Variants in C1QTNF9 observed in about 807,000 individuals in gnomAD.
C1QTNF9 encodes complement C1q and tumor necrosis factor-related protein 9A.
In C1QTNF9, 6 loss-of-function variants were observed where a neutral mutation model predicts 10.1. The observed-to-expected ratio is 0.59, with a 90% confidence interval of 0.32 to 1.17. The LOEUF is 1.17. Ranked by LOEUF, C1QTNF9 falls within the 50% of genes most tolerant of loss-of-function variation. The probability of loss-of-function intolerance (pLI) is 0.04; values close to 1 mark genes in which losing one functional copy is unlikely to be tolerated. For missense variants in C1QTNF9, 201 were observed against 418.8 expected, an observed-to-expected ratio of 0.48 and a Z score of 4.54; for synonymous variants, 98 against 163.5, an observed-to-expected ratio of 0.60 and a Z score of 3.06.
exon 4 of C1QTNF9, chr13:24,321,621 C>G (rs1878276096): frequency 6.2e-7 from 1 of 1,614,066 alleles, no homozygotes; most frequent in South Asian, 1.1e-5. Context: ...GCTCTGAGGA[C>G]CAGGCCTCTG....
chr13:24,312,056 C>G (rs1358036174), intron 1 of C1QTNF9, among the ~76,000 whole-genome samples: 2 of 152,198 alleles, frequency 1.3e-5, no homozygotes, highest in African/African-American at 4.8e-5. Context: ...GCTAAAATTT[C>G]TATTACTCTG....
chr13:24,312,874 G>A (rs910215585), intron 1 of C1QTNF9, among the ~76,000 whole-genome samples: 3 of 148,736 alleles, frequency 2.0e-5, no homozygotes, highest in East Asian at 2.0e-4. Flanking sequence ...AGAATGGTGC[G>A]AACCCGGGAG....
At chr13:24,318,582 G>T (rs1173655791) in intron 2 of C1QTNF9, among the ~76,000 whole-genome samples, 1 of 152,018 alleles carries the variant, frequency 6.6e-6, no homozygotes, top group African/African-American at 2.4e-5. Context: ...TCCTAGAGAT[G>T]GGCGCTTGGG....
chr13:24,319,770 C>T lies in C1QTNF9; in HGVS notation c.229+890C>T, dbSNP rs61946754. The stretch of plus-strand genomic sequence containing the variant: ...GAACTAGAACTGGTCCCTGATGGGT[C>T]GGGATGTAGTCGTAGTGGCAAACTT... On this transcript the variant is annotated intron_variant, in intron 3 of 3. Transcript: ENST00000332018. Among the ~76,000 whole-genome samples the T allele has an allele frequency of 6.6e-3, 1,000 of 152,128 alleles. 3 individuals carry two copies. Among genetic ancestry groups the T allele is most frequent in the Non-Finnish European group, 0.011 (727 of 68,002 alleles).
intron 2 of C1QTNF9, among the ~76,000 whole-genome samples, 188 bp from the exon 3 acceptor site, chr13:24,318,630 G>A (rs9580938): frequency 0.19 from 28,702 of 151,692 alleles, 1,957 homozygotes; most frequent in East Asian, 0.29. Flanking sequence ...CTTATCCCAC[G>A]CAGCTCAGCA....
At chr13:24,310,593 A>G (rs1877776567) in intron 1 of C1QTNF9, among the ~76,000 whole-genome samples, 1 of 117,118 alleles carries the variant, frequency 8.5e-6, no homozygotes, top group South Asian at 2.4e-4. Context: ...GCTAATTTAC[A>G]GTGCAGGAAA....
chr13:24,316,514 G>C (rs531671324), intron 2 of C1QTNF9, among the ~76,000 whole-genome samples: 1 of 152,164 alleles, frequency 6.6e-6, no homozygotes, highest in South Asian at 2.1e-4. Context: ...TCAGGTGACA[G>C]GTATGATGGA....
upstream of C1QTNF9, among the ~76,000 whole-genome samples, chr13:24,307,635 C>T (rs2138795090): frequency 6.6e-6 from 1 of 152,370 alleles, no homozygotes; most frequent in South Asian, 2.1e-4. Context: ...CTCCTCCCAA[C>T]CTTGGGCTGC....
At position 24,313,129 on chromosome 13, in the gene C1QTNF9, T is replaced by C. The variant is rs192976286; in HGVS notation, c.-22-2853T>C. On this transcript the variant is annotated intron_variant, in intron 1 of 3. Coordinates refer to ENST00000332018, the Ensembl canonical transcript of C1QTNF9. ...ATAAACAAACAAACAAACAAACAAA[T>C]AAAACAGAAATAGTGGCACAACTTA... Among the ~76,000 whole-genome samples, 771 of 151,972 alleles carry C rather than the reference T, an allele frequency of 5.1e-3. 9 individuals are homozygous for C. The highest frequency in any genetic ancestry group is 0.018 in the African/African-American group (735 of 41,456).
chr13:24,313,889 T>C (rs1397660113), intron 1 of C1QTNF9, among the ~76,000 whole-genome samples: 1 of 152,254 alleles, frequency 6.6e-6, no homozygotes, highest in Non-Finnish European at 1.5e-5. Flanking sequence ...TTTAGTCTAC[T>C]ATCAAAATTC....
intron 1 of C1QTNF9, among the ~76,000 whole-genome samples, chr13:24,312,954 C>CAAA (rs34668112): frequency 2.6e-5 from 3 of 115,858 alleles, no homozygotes; most frequent in African/African-American, 3.6e-5. Context: ...GACTCTATCT[C>CAAA]AAAAAAAAAA....
intron 2 of C1QTNF9, among the ~76,000 whole-genome samples, chr13:24,317,339 A>G (rs1878078403): frequency 6.6e-6 from 1 of 152,188 alleles, no homozygotes; most frequent in South Asian, 2.1e-4. Context: ...TTTTACACAC[A>G]AAAGGAGATA....
chr13:24,311,053 G>T (rs563862425), intron 1 of C1QTNF9, among the ~76,000 whole-genome samples: 1 of 152,108 alleles, frequency 6.6e-6, no homozygotes, highest in African/African-American at 2.4e-5. Flanking sequence ...GAGGGCATTC[G>T]TCCTTTCCAG....
At chr13:24,312,057 T>A (rs1877844713) in intron 1 of C1QTNF9, among the ~76,000 whole-genome samples, 1 of 152,198 alleles carries the variant, frequency 6.6e-6, no homozygotes, top group East Asian at 1.9e-4. Context: ...CTAAAATTTC[T>A]ATTACTCTGG....
exon 4 of C1QTNF9, chr13:24,321,601 G>A (rs377102029): frequency 2.5e-6 from 4 of 1,614,194 alleles, no homozygotes; most frequent in Non-Finnish European, 3.4e-6. Flanking sequence ...CACCAAAGAT[G>A]CTTACATGAG....
chr13:24,307,539 G>C (rs576074435), upstream of C1QTNF9, among the ~76,000 whole-genome samples: 2 of 152,386 alleles, frequency 1.3e-5, no homozygotes, highest in African/African-American at 2.4e-5. Flanking sequence ...GCTGTAATCA[G>C]AAAAGGATTC....
At position 24,320,986 on chromosome 13, in the gene C1QTNF9, C is replaced by T. The variant is rs186546257; in HGVS notation, c.230-10C>T. 1 of 1,581,532 alleles carries T rather than the reference C, an allele frequency of 6.3e-7. No individual in the cohort carries two copies. Among genetic ancestry groups the T allele is most frequent in the Non-Finnish European group, 8.6e-7 (1 of 1,167,386 alleles). ...CAAGCTATCTCTTTATTTGCTCTTT[C>T]TCTATTTAGGAGCAGATGGAAAAGT... On this transcript the variant is annotated splice_polypyrimidine_tract_variant and intron_variant, in intron 3 of 3. Coordinates refer to ENST00000332018, the Ensembl canonical transcript of C1QTNF9.
At chr13:24,320,532 G>A (rs1878212789) in intron 3 of C1QTNF9, among the ~76,000 whole-genome samples, 1 of 151,994 alleles carries the variant, frequency 6.6e-6, no homozygotes, top group East Asian at 1.9e-4. Context: ...CTACAGTTGT[G>A]CACCACCGCG....
chr13:24,313,701 TG>T (rs1197346671), intron 1 of C1QTNF9, among the ~76,000 whole-genome samples: 1 of 152,238 alleles, frequency 6.6e-6, no homozygotes, highest in Non-Finnish European at 1.5e-5. Flanking sequence ...AGAGTCTTGC[TG>T]GTTTTCAAAA....
Sources: allele counts gnomAD v4.1 joint callset (sites outside exome capture counted in the v4.1 genomes callset), GRCh38; gene constraint gnomAD v4.1.1; transcripts MANE v1.5; gene names NCBI Gene and HGNC (gene_info 2026-07-23, HGNC 2026-07-21).